The following PTPRD variants were observed in gnomAD, a reference collection of about 807,000 sequenced individuals.
The protein encoded by PTPRD is protein tyrosine phosphatase receptor type D, also known as receptor-type tyrosine-protein phosphatase delta.
In PTPRD, 34 loss-of-function variants were observed where a neutral mutation model predicts 214.5. The ratio of observed to expected loss-of-function variants is 0.16; its 90% CI spans 0.12 to 0.21. The LOEUF (loss-of-function observed/expected upper bound fraction) is 0.21, where lower values mean the gene tolerates loss of function less well. Among genes scored for constraint, PTPRD ranks in the 10% least tolerant of loss-of-function variants. The probability of loss-of-function intolerance (pLI) is 1.00; values close to 1 mark genes in which losing one functional copy is unlikely to be tolerated. For missense variants in PTPRD, 2,545 were observed against 2,398.7 expected, an observed-to-expected ratio of 1.06 and a Z score of -1.27; for synonymous variants, 1,128 against 845.7, an observed-to-expected ratio of 1.33 and a Z score of -5.79.
chr9:8,836,608 T>TTTC (rs1202789089), intron 11 of PTPRD, among the ~76,000 whole-genome samples: 1 of 131,178 alleles, frequency 7.6e-6, no homozygotes, highest in Non-Finnish European at 1.6e-5. Context: ...TTTTTTTTTT[T>TTTC]TTTTTTTAAG....
chr9:9,005,119 G>C (rs2099454713), intron 11 of PTPRD, among the ~76,000 whole-genome samples: 1 of 152,050 alleles, frequency 6.6e-6, no homozygotes, highest in Non-Finnish European at 1.5e-5. Context: ...TATGGCTATA[G>C]TCTGTTTCCA....
intron 14 of PTPRD, among the ~76,000 whole-genome samples, chr9:8,557,763 A>T (rs112694316): frequency 0.012 from 1,569 of 134,074 alleles, 13 homozygotes; most frequent in Non-Finnish European, 0.019. Flanking sequence ...AAAAAAAAAA[A>T]AAAAGAAAAA....
At chr9:10,610,381 A>G (rs971740846) in intron 2 of PTPRD, among the ~76,000 whole-genome samples, 9 of 152,202 alleles carry the variant, frequency 5.9e-5, no homozygotes, top group African/African-American at 1.9e-4. Flanking sequence ...AAAAGAATGC[A>G]CAAATCTGTC....
chr9:9,643,439 A>C (rs1024907413), intron 7 of PTPRD, among the ~76,000 whole-genome samples: 1 of 152,174 alleles, frequency 6.6e-6, no homozygotes, highest in Non-Finnish European at 1.5e-5. Flanking sequence ...CAGCTTTTTC[A>C]TCTGCACCTG....
rs148951421 is a variant in PTPRD, at chr9:10,028,895, G to A, written c.-472+4823C>T. Among the ~76,000 whole-genome samples, 797 of 152,246 alleles carry A rather than the reference G, an allele frequency of 5.2e-3. 7 individuals are homozygous for A. Among genetic ancestry groups the A allele is most frequent in the African/African-American group, 0.018 (734 of 41,534 alleles). On this transcript the variant is annotated intron_variant, in intron 4 of 45. Transcript: ENST00000381196. ...CAAGACAATGAGGAAAATGTCTCCA[G>A]GGCATGTCAGAGGTCTTCACAGCAA... is the stretch of plus-strand genomic sequence containing the variant.
intron 12 of PTPRD, among the ~76,000 whole-genome samples, chr9:8,672,765 G>A (rs930389867): frequency 7.3e-6 from 1 of 137,090 alleles, no homozygotes; most frequent in African/African-American, 2.7e-5. Flanking sequence ...TTTAGTTAAG[G>A]ACCTAAATAT....
chr9:10,190,522 A>C (rs1281360691), intron 3 of PTPRD, among the ~76,000 whole-genome samples: 2 of 151,036 alleles, frequency 1.3e-5, no homozygotes, highest in East Asian at 3.9e-4. Context: ...GTTCAAGACT[A>C]GCCTGGCCAA....
At chr9:9,667,484 C>T (rs1267728422) in intron 7 of PTPRD, among the ~76,000 whole-genome samples, 1 of 152,088 alleles carries the variant, frequency 6.6e-6, no homozygotes, top group African/African-American at 2.4e-5. Context: ...ATTCATTTTA[C>T]AAATTATACA....
At chr9:9,451,511 A>C (rs1321564437) in intron 8 of PTPRD, among the ~76,000 whole-genome samples, 1 of 151,706 alleles carries the variant, frequency 6.6e-6, no homozygotes, top group Non-Finnish European at 1.5e-5. Flanking sequence ...TGCAACTTCA[A>C]TATAGCCTCA....
intron 3 of PTPRD, among the ~76,000 whole-genome samples, chr9:10,114,370 T>C (rs2098713896): frequency 6.6e-6 from 1 of 152,184 alleles, no homozygotes. Context: ...CTATATTTTC[T>C]TGATTCTTAG....
chr9:8,842,571 G>C (rs761634516), intron 11 of PTPRD, among the ~76,000 whole-genome samples: 1 of 152,130 alleles, frequency 6.6e-6, no homozygotes, highest in African/African-American at 2.4e-5. Flanking sequence ...TAGGGAGACT[G>C]TGGAGAGGTA....
intron 9 of PTPRD, among the ~76,000 whole-genome samples, chr9:9,358,072 G>A (rs1412878): frequency 0.84 from 127,324 of 151,180 alleles, 54,012 homozygotes; most frequent in East Asian, 1. Flanking sequence ...TATTTTACAA[G>A]CAAGAAATTA....
At chr9:10,117,287 G>A (rs2098737892) in intron 3 of PTPRD, among the ~76,000 whole-genome samples, 1 of 152,096 alleles carries the variant, frequency 6.6e-6, no homozygotes, top group African/African-American at 2.4e-5. Flanking sequence ...TGTAGAACCT[G>A]AGAAGTTAGA....
At chr9:10,179,749 A>G (rs939029296) in intron 3 of PTPRD, among the ~76,000 whole-genome samples, 45 of 152,210 alleles carry the variant, frequency 3.0e-4, no homozygotes, top group African/African-American at 1.1e-3. Context: ...ACTGAAGCGG[A>G]GACTAACTTG....
intron 12 of PTPRD, among the ~76,000 whole-genome samples, chr9:8,725,488 T>C (rs2154426121): frequency 6.6e-6 from 1 of 152,304 alleles, no homozygotes; most frequent in Middle Eastern, 3.4e-3. Context: ...TAAATGTATA[T>C]AAATATACAT....
chr9:9,498,968 A>ACTTGCTCTTGCTGTCTCACT (rs1231132843), intron 8 of PTPRD, among the ~76,000 whole-genome samples: 2 of 151,398 alleles, frequency 1.3e-5, no homozygotes, highest in Non-Finnish European at 3.0e-5. Flanking sequence ...TCCCTCTCTC[A>ACTTGCTCTTGCTGTCTCACT]CTTGCTCTTG....
intron 5 of PTPRD, among the ~76,000 whole-genome samples, chr9:9,857,006 C>G (rs1333148736): frequency 6.6e-6 from 1 of 152,158 alleles, no homozygotes; most frequent in Non-Finnish European, 1.5e-5. Context: ...TTTGACCTCT[C>G]AAGATCAGCT....
intron 2 of PTPRD, among the ~76,000 whole-genome samples, chr9:10,565,815 A>C (rs2131702997): frequency 6.6e-6 from 1 of 151,934 alleles, no homozygotes; most frequent in South Asian, 2.1e-4. Flanking sequence ...CCTTGTTAAT[A>C]TACAGAAAAA....
chr9:10,012,498 A>T (rs1439634161), intron 4 of PTPRD, among the ~76,000 whole-genome samples: 1 of 151,960 alleles, frequency 6.6e-6, no homozygotes, highest in Non-Finnish European at 1.5e-5. Context: ...CTTTCACCAC[A>T]CCTTATAACT....
Sources: gnomAD v4.1 joint callset for allele counts (sites outside exome capture counted in the v4.1 genomes callset) on GRCh38, gnomAD v4.1.1 for gene constraint, MANE v1.5 for transcripts, NCBI Gene and HGNC (gene_info 2026-07-23, HGNC 2026-07-21) for gene names.